GLT1D1: variants seen among roughly 807,000 people sequenced by gnomAD.
GLT1D1 encodes the protein glycosyltransferase 1 domain-containing protein 1.
A neutral mutation model predicts 28.7 loss-of-function variants in GLT1D1; 21 were observed. That is an observed-to-expected ratio of 0.73 (90% CI 0.52 to 1.05). The LOEUF is 1.05. Among genes scored for constraint, GLT1D1 ranks in the 50% least tolerant of loss-of-function variants. The pLI is 0.00. For missense variants in GLT1D1, 343 were observed against 330.6 expected (o/e 1.04, Z -0.29); for synonymous variants, 147 against 124.8 (o/e 1.18, Z -1.19).
intron 4 of GLT1D1, among the ~76,000 whole-genome samples, chr12:128,928,015 A>AC (rs1282574068): frequency 2.8e-5 from 4 of 143,040 alleles, no homozygotes; most frequent in Non-Finnish European, 4.7e-5. Flanking sequence ...AAAAAAAAAA[A>AC]AAAAAAAAAA....
At chr12:128,889,326 C>A (rs1263379626) in intron 3 of GLT1D1, among the ~76,000 whole-genome samples, 1 of 152,178 alleles carries the variant, frequency 6.6e-6, no homozygotes, top group Non-Finnish European at 1.5e-5. Context: ...GATTTCTAAA[C>A]TGTGGCTTAG....
chr12:128,979,914 A>G (rs1464737079), intron 7 of GLT1D1, among the ~76,000 whole-genome samples: 1 of 152,266 alleles, frequency 6.6e-6, no homozygotes, highest in African/African-American at 2.4e-5. Flanking sequence ...CATATCTCAT[A>G]TAATTTATCA....
At chr12:128,869,058 G>T (rs905033542) in intron 1 of GLT1D1, among the ~76,000 whole-genome samples, 1 of 152,120 alleles carries the variant, frequency 6.6e-6, no homozygotes, top group Non-Finnish European at 1.5e-5. Flanking sequence ...TAGTAGAGAC[G>T]GGGTTTCTCC....
At chr12:128,973,175 C>G (rs1401226098) in intron 7 of GLT1D1, among the ~76,000 whole-genome samples, 2 of 90,600 alleles carry the variant, frequency 2.2e-5, no homozygotes, top group African/African-American at 3.6e-5. Context: ...TGTTTGTTTG[C>G]TTGGTTTTTT....
chr12:128,923,618 T>G (rs1872874719), intron 4 of GLT1D1, among the ~76,000 whole-genome samples: 1 of 151,812 alleles, frequency 6.6e-6, no homozygotes, highest in South Asian at 2.1e-4. Flanking sequence ...GCCTCCCGGG[T>G]TTAAGCGATT....
In GLT1D1 at chr12:128,904,623, CT is replaced by C. The variant is rs59189244; in HGVS notation, c.375+5364del. Among the ~76,000 whole-genome samples the C allele has an allele frequency of 3.5e-3, 493 of 139,062 alleles. 2 individuals carry two copies. The highest frequency in any genetic ancestry group is 0.014 in the African/African-American group (458 of 32,578). 91.2% of individuals were successfully genotyped at this position (139,062 alleles called of 152,430 possible). ...GTGATGGTTAAAGCATGAAAACAGT[CT>C]TTTTTTTTTTTTTTTTTTTTTTTTT... On this transcript the variant is annotated intron_variant, in intron 4 of 7. Coordinates refer to ENST00000281703, the MANE Select transcript of GLT1D1 (RefSeq NM_144669.3).
chr12:128,866,898 G>A (rs574633889), intron 1 of GLT1D1, among the ~76,000 whole-genome samples: 80 of 151,874 alleles, frequency 5.3e-4, no homozygotes, highest in African/African-American at 1.6e-3. Context: ...TGGGATTACA[G>A]GCATGAGCCA....
intron 4 of GLT1D1, among the ~76,000 whole-genome samples, chr12:128,939,875 C>T (rs1285702763): frequency 7.1e-6 from 1 of 140,538 alleles, no homozygotes; most frequent in Non-Finnish European, 1.5e-5. Context: ...TCCTACCAGG[C>T]CCCACCTCCA....
At chr12:128,893,961 A>G (rs895630323) in intron 3 of GLT1D1, among the ~76,000 whole-genome samples, 1 of 152,156 alleles carries the variant, frequency 6.6e-6, no homozygotes, top group African/African-American at 2.4e-5. Flanking sequence ...TGAAGGGCCC[A>G]TTGTCAGGCA....
At chr12:128,970,611 G>C (rs1032988393) in intron 7 of GLT1D1, among the ~76,000 whole-genome samples, 2 of 152,246 alleles carry the variant, frequency 1.3e-5, no homozygotes, top group African/African-American at 4.8e-5. Context: ...AGCTTGCGCT[G>C]CCCCCTCCTC....
chr12:128,881,794 TC>T (rs1301098807), intron 2 of GLT1D1, among the ~76,000 whole-genome samples: 2 of 151,374 alleles, frequency 1.3e-5, no homozygotes, highest in Non-Finnish European at 2.9e-5. Context: ...AAAATTGCAA[TC>T]ATATTATACT....
At chr12:128,859,747 T>A (rs1271334625) in intron 1 of GLT1D1, among the ~76,000 whole-genome samples, 1 of 152,190 alleles carries the variant, frequency 6.6e-6, no homozygotes, top group Non-Finnish European at 1.5e-5. Context: ...GGGTTTGGCA[T>A]ATTTAAGAAG....
At chr12:128,906,763 T>C in intron 4 of GLT1D1, 1 of 491,978 alleles carries the variant, frequency 2.0e-6, no homozygotes, top group Non-Finnish European at 3.6e-6. Context: ...GTCACCCCCT[T>C]CTGGGGCCTA....
At chr12:128,865,996 G>A (rs549201775) in intron 1 of GLT1D1, among the ~76,000 whole-genome samples, 4 of 151,896 alleles carry the variant, frequency 2.6e-5, no homozygotes, top group African/African-American at 9.7e-5. Context: ...TGCAAATGCT[G>A]TGCCATTTTA....
At chr12:128,921,966 T>C (rs1872699620) in intron 4 of GLT1D1, among the ~76,000 whole-genome samples, 1 of 151,562 alleles carries the variant, frequency 6.6e-6, no homozygotes, top group African/African-American at 2.4e-5. Context: ...GACTTCCCCC[T>C]CTTTTTGGTA....
chr12:128,965,758 G>A (rs1878397565), intron 7 of GLT1D1, among the ~76,000 whole-genome samples: 1 of 151,206 alleles, frequency 6.6e-6, no homozygotes, highest in African/African-American at 2.4e-5. Context: ...AGCCAGATGT[G>A]GTGGCTCATG....
At chr12:128,905,827 T>C (rs1870801373) in intron 4 of GLT1D1, among the ~76,000 whole-genome samples, 2 of 124,980 alleles carry the variant, frequency 1.6e-5, no homozygotes, top group Admixed American at 1.1e-4. Flanking sequence ...ATCTTTTAAG[T>C]GTTTTTTTTT....
chr12:128,980,440 C>T (rs1427795833), intron 7 of GLT1D1, among the ~76,000 whole-genome samples: 1 of 152,230 alleles, frequency 6.6e-6, no homozygotes, highest in Non-Finnish European at 1.5e-5. Context: ...TCCCAAAAGT[C>T]AGTGCCTTAC....
In GLT1D1 at chr12:128,863,375, A is replaced by G. The variant is rs1956427450; in HGVS notation, c.68+9726A>G. Reference sequence around the variant, plus strand: ...TCAAACAAGGTAGTTTGGATAATTTATTATTTTTTTTTTTGAAATGGAGTT... The same window carrying G: ...TCAAACAAGGTAGTTTGGATAATTTGTTATTTTTTTTTTTGAAATGGAGTT... On this transcript the variant is annotated intron_variant, in intron 1 of 7. Transcript: ENST00000281703. Among the ~76,000 whole-genome samples, 6 of 121,940 alleles carry G rather than the reference A, an allele frequency of 4.9e-5. No individual in the cohort carries two copies. In the South Asian group the frequency reaches 2.3e-3, roughly 46 times the overall value. 80.0% of individuals were successfully genotyped at this position (121,940 alleles called of 152,430 possible).
Sources: allele counts gnomAD v4.1 joint callset (sites outside exome capture counted in the v4.1 genomes callset), GRCh38; gene constraint gnomAD v4.1.1; transcripts MANE v1.5; gene names NCBI Gene and HGNC (gene_info 2026-07-23, HGNC 2026-07-21).